The following SYNE2 variants were observed in gnomAD, a reference collection of about 807,000 sequenced individuals.
The protein encoded by SYNE2 is spectrin repeat containing nuclear envelope protein 2.
SYNE2 carries 431 observed loss-of-function variants against 856.3 expected under a neutral mutation model. The ratio of observed to expected loss-of-function variants is 0.50; its 90% CI spans 0.47 to 0.55. The LOEUF (loss-of-function observed/expected upper bound fraction) is 0.55. SYNE2 is among the 20% of genes least tolerant of loss of function. The pLI is 0.00. For missense variants in SYNE2, 8,129 were observed against 8,023.2 expected (o/e 1.01, Z -0.50); for synonymous variants, 2,923 against 2,872.3 (o/e 1.02, Z -0.56).
chr14:64,188,798 C>A (rs113940298), intron 98 of SYNE2, 90 bp downstream of exon 98: 5 of 1,359,442 alleles, frequency 3.7e-6, no homozygotes, highest in Non-Finnish European at 4.2e-6. Context: ...GGCAATGTTA[C>A]GGGTGTTTCC....
intron 1 of SYNE2, among the ~76,000 whole-genome samples, chr14:63,861,682 G>T (rs1009121741): frequency 2.6e-5 from 4 of 151,954 alleles, no homozygotes; most frequent in African/African-American, 9.7e-5. Flanking sequence ...AGGTACTAGG[G>T]AGGCTGAGGT....
At chr14:64,092,928 T>C (rs2153629618) in intron 60 of SYNE2, among the ~76,000 whole-genome samples, 1 of 152,306 alleles carries the variant, frequency 6.6e-6, no homozygotes, top group East Asian at 1.9e-4. Flanking sequence ...GTCTGAATTG[T>C]TATGTCACCT....
At position 63,792,222 on chromosome 14, in the gene SYNE2, A is replaced by C. The variant is rs143207948; in HGVS notation, c.-305+30236A>C. 3.1e-4 allele frequency among the ~76,000 whole-genome samples: 47 copies of C among 152,322 alleles called. 1 individual carries two copies. The East Asian group carries it at 9.1e-3, about 29-fold the overall frequency. On this transcript the variant is annotated intron_variant, in intron 1 of 23. Transcript: ENST00000674003. ...ATGCTGTCCATAAGAGATACTCTTT[A>C]GATTCAAAGATATAATGTAAATGTA...
At chr14:64,084,376 C>G (rs983902618) in intron 57 of SYNE2, 1 of 152,320 alleles carries the variant, frequency 6.6e-6, no homozygotes, top group Admixed American at 6.5e-5. Context: ...TCTCCCAAGA[C>G]GTTTCCTCCT....
At chr14:64,190,451 CA>C (rs1489327423) in intron 99 of SYNE2, 1 of 650,088 alleles carries the variant, frequency 1.5e-6, no homozygotes, top group Non-Finnish European at 2.7e-6. Context: ...CTTTAGCTTA[CA>C]ACTTTACATG....
At chr14:64,182,118 C>T (rs1311379824) in intron 96 of SYNE2, among the ~76,000 whole-genome samples, 1 of 152,100 alleles carries the variant, frequency 6.6e-6, no homozygotes, top group African/African-American at 2.4e-5. Context: ...TTGACAGTTC[C>T]ACTGGTAATT....
chr14:64,014,833 C>T (rs2096875247), intron 32 of SYNE2, among the ~76,000 whole-genome samples: 1 of 150,056 alleles, frequency 6.7e-6, no homozygotes, highest in African/African-American at 2.5e-5. Flanking sequence ...TTTCCATTAG[C>T]TTGTTAAAAT....
intron 105 of SYNE2, 94 bp downstream of exon 105, chr14:64,213,099 G>T: frequency 2.4e-6 from 3 of 1,275,314 alleles, no homozygotes; most frequent in Non-Finnish European, 3.3e-6. Flanking sequence ...TCTTATAATG[G>T]TTAATTATGG....
At chr14:64,127,151 C>A (rs142693783) in intron 73 of SYNE2, among the ~76,000 whole-genome samples, 1 of 152,192 alleles carries the variant, frequency 6.6e-6, no homozygotes, top group East Asian at 1.9e-4. Context: ...ATCCCAGCTA[C>A]CTGGGAGGCT....
chr14:64,100,526 AAAAAAATATATATATATATATATATAT>A (rs1018306248), intron 63 of SYNE2, among the ~76,000 whole-genome samples: 2 of 76,302 alleles, frequency 2.6e-5, no homozygotes, highest in South Asian at 4.8e-4. Flanking sequence ...AAAAAAAAAA[AAAAAAATATATATATATATATATATAT>A]ATATATATAT....
intron 85 of SYNE2, among the ~76,000 whole-genome samples, chr14:64,153,654 C>T (rs1196457588): frequency 6.6e-6 from 1 of 152,194 alleles, no homozygotes; most frequent in Non-Finnish European, 1.5e-5. Context: ...ACTGTGCTCA[C>T]TGCCAGGGTT....
chr14:63,944,824 CTTTTTTTTTT>C (rs55906748), intron 6 of SYNE2, among the ~76,000 whole-genome samples: 5 of 46,932 alleles, frequency 1.1e-4, no homozygotes, highest in South Asian at 8.6e-4. Context: ...GGGCTTAAAG[CTTTTTTTTTT>C]TTTTTTTTTT....
intron 1 of SYNE2, among the ~76,000 whole-genome samples, chr14:63,853,796 G>A (rs1335016649): frequency 1.3e-5 from 2 of 152,120 alleles, no homozygotes; most frequent in South Asian, 2.1e-4. Flanking sequence ...GCGGGGGGGC[G>A]CTCCGACGGC....
chr14:64,205,139 GCAACCGTAATT>G (rs1202474274), intron 100 of SYNE2, among the ~76,000 whole-genome samples: 1 of 152,078 alleles, frequency 6.6e-6, no homozygotes, highest in Non-Finnish European at 1.5e-5. Flanking sequence ...CAGCTGATTA[GCAACCGTAATT>G]CTCCTTTGCC....
At chr14:64,157,480 T>C (rs2098295265) in intron 85 of SYNE2, among the ~76,000 whole-genome samples, 1 of 152,238 alleles carries the variant, frequency 6.6e-6, no homozygotes, top group African/African-American at 2.4e-5. Flanking sequence ...AGTTTACCTC[T>C]CCATCAGTTG....
chr14:64,199,783 C>T (rs2098554273), intron 99 of SYNE2, among the ~76,000 whole-genome samples: 1 of 151,144 alleles, frequency 6.6e-6, no homozygotes, highest in African/African-American at 2.4e-5. Context: ...GCACATGTGG[C>T]CATCAGCGTG....
At chr14:63,957,609 C>T (rs1010658648) in intron 8 of SYNE2, among the ~76,000 whole-genome samples, 2 of 151,966 alleles carry the variant, frequency 1.3e-5, no homozygotes, top group Non-Finnish European at 2.9e-5. Flanking sequence ...GGCACTGTAG[C>T]TCATGCCCCA....
Position 64,017,603 on chromosome 14 carries a change from G to C in SYNE2, c.4896G>C (p.Glu1632Asp). 1 of 1,611,898 alleles carries C rather than the reference G, an allele frequency of 6.2e-7. No individual in the cohort carries two copies. Among genetic ancestry groups the C allele is most frequent in the African/African-American group, 1.3e-5 (1 of 74,964 alleles). The change falls in exon 34 of 116, where the codon GAG (glutamate) becomes GAC (aspartate). Residue 1632 changes from glutamate to aspartate, a missense_variant. Transcript: ENST00000555002. Reference protein sequence around the residue: ...IIVDRWLDINEKTEDYYENLG... With the variant: ...IIVDRWLDINDKTEDYYENLG... ...TTTTTAAATTATGGTAGATAAATGA[G>C]AAGACAGAAGATTACTATGAAAATC... is the stretch of plus-strand genomic sequence containing the variant.
At chr14:64,037,404 C>G (rs1482756261) in intron 45 of SYNE2, among the ~76,000 whole-genome samples, 1 of 151,590 alleles carries the variant, frequency 6.6e-6, no homozygotes, top group Non-Finnish European at 1.5e-5. Flanking sequence ...TCCATTTAAC[C>G]CTGAGTGGAC....
Sources: allele counts gnomAD v4.1 joint callset (sites outside exome capture counted in the v4.1 genomes callset), GRCh38; gene constraint gnomAD v4.1.1; transcripts MANE v1.5; gene names NCBI Gene and HGNC (gene_info 2026-07-23, HGNC 2026-07-21).